The following GAK variants were observed in gnomAD, a reference collection of about 807,000 sequenced individuals.
The protein encoded by GAK is cyclin G associated kinase, also known as cyclin-G-associated kinase.
A neutral mutation model predicts 143.9 loss-of-function variants in GAK; 79 were observed. That is an observed-to-expected ratio of 0.55 (90% CI 0.46 to 0.66). GAK has a LOEUF of 0.66. Ranked by LOEUF, GAK falls within the 30% of genes least tolerant of loss-of-function variation. GAK has a pLI of 0.00. For missense variants in GAK, 1,693 were observed against 1,779.7 expected, an observed-to-expected ratio of 0.95 and a Z score of 0.88; for synonymous variants, 881 against 765.5, an observed-to-expected ratio of 1.15 and a Z score of -2.49.
chr4:851,864 G>C lies in GAK; in HGVS notation c.3394C>G (p.Pro1132Ala), dbSNP rs1043837313. The C allele has an allele frequency of 6.2e-6, 10 of 1,609,004 alleles. No individual in the cohort carries two copies. The highest frequency in any genetic ancestry group is 8.5e-6 in the Non-Finnish European group (10 of 1,177,016). ...SRPPAQGASWPPQAKPPPKAC... is the reference protein window; with the variant it reads ...SRPPAQGASWAPQAKPPPKAC... ...TTGGGGGGCGGCTTGGCCTGAGGGGGCCATGAGGCGCCCTGGGCTGGCGGC... is the reference window on the plus strand; with the variant it reads ...TTGGGGGGCGGCTTGGCCTGAGGGGCCCATGAGGCGCCCTGGGCTGGCGGC... Residue 1132 changes from proline (P) to alanine (A), a missense_variant, in exon 25 of 28, where the codon CCC becomes GCC. Pro to Ala is a conservative substitution (Grantham distance 27). This residue lies in a region of GAK where 822 missense variants were observed against 788.7 expected (regional missense o/e 1.04). Coordinates refer to ENST00000314167, the MANE Select transcript of GAK (RefSeq NM_005255.4).
chr4:929,924 T>A (rs1480010810), intron 1 of GAK, among the ~76,000 whole-genome samples: 1 of 152,220 alleles, frequency 6.6e-6, no homozygotes, highest in Non-Finnish European at 1.5e-5. Flanking sequence ...TATCCCACAG[T>A]GAGAATATTT....
chr4:916,496 A>G (rs1454878435), intron 1 of GAK, among the ~76,000 whole-genome samples: 1 of 152,228 alleles, frequency 6.6e-6, no homozygotes, highest in African/African-American at 2.4e-5. Flanking sequence ...TGCTGGGACT[A>G]CAGGTGTGAG....
chr4:931,835 G>C (rs890253918), intron 1 of GAK, among the ~76,000 whole-genome samples: 5 of 152,106 alleles, frequency 3.3e-5, no homozygotes, highest in African/African-American at 1.2e-4. Context: ...CCGCCAGCAG[G>C]CACTCACCTA....
intron 23 of GAK, among the ~76,000 whole-genome samples, chr4:864,353 C>G (rs1203128738): frequency 6.6e-6 from 1 of 152,054 alleles, no homozygotes; most frequent in Admixed American, 6.6e-5. Context: ...AGAGCAAGAC[C>G]CTGTCTCAAA....
At chr4:905,426 CAGACTCTGCCACGCCGCGCCACGCTAG>C (rs1278507758) in intron 4 of GAK, among the ~76,000 whole-genome samples, 5 of 151,776 alleles carry the variant, frequency 3.3e-5, no homozygotes, top group African/African-American at 1.2e-4. Context: ...GGCCACGCTA[CAGACTCTGCCACGCCGCGCCACGCTAG>C]GGGCTCCGCC....
Position 851,964 on chromosome 4 carries a change from A to G in GAK, c.3294T>C (p.Ala1098=). 6.2e-7 allele frequency: 1 copy of G among 1,613,598 alleles called. No individual in the cohort carries two copies. Residue 1098 remains alanine, a synonymous_variant, in exon 25 of 28, where the codon GCT becomes GCC. Coordinates refer to ENST00000314167, the MANE Select transcript of GAK (RefSeq NM_005255.4). ...DLSSGLQGSP[A]GFPPGGFIPK... ...GAATGAAGCCCCCAGGAGGGAATCC[A>G]GCTGGTGAGCCTGTGGAGATGGAGA...
At chr4:906,067 G>A (rs536615202) in intron 4 of GAK, among the ~76,000 whole-genome samples, 22 of 152,140 alleles carry the variant, frequency 1.4e-4, no homozygotes, top group South Asian at 2.1e-4. Context: ...GAACCACATC[G>A]GCATCCCAGC....
Position 894,295 on chromosome 4 carries a change from G to A in GAK, c.742-286C>T, listed in dbSNP as rs531789670. Reference sequence around the variant, plus strand: ...TTGGGGCCGTGGGGAGCGCAGGGGTGACGCCTGGGCCTGTGGGGAGTGCAG... The same window carrying A: ...TTGGGGCCGTGGGGAGCGCAGGGGTAACGCCTGGGCCTGTGGGGAGTGCAG... On this transcript the variant is annotated intron_variant, in intron 7 of 27. Transcript: ENST00000314167. 76 of 270,190 alleles carry A rather than the reference G, an allele frequency of 2.8e-4. No individual in the cohort carries two copies. In the East Asian group the frequency reaches 4.9e-3, roughly 17 times the overall value. 16.7% of individuals were successfully genotyped at this position (270,190 alleles called of 1,614,324 possible).
In GAK at chr4:867,242, A is replaced by C; in HGVS notation, c.2586T>G (p.Val862=). ...LAAGLVQQDL[V]FEVETPAVLP... The stretch of plus-strand genomic sequence containing the variant: ...GCACAGCCGGTGTCTCCACCTCAAA[A>C]ACCAAGTCCTGCTGCACCAGCCCTG... Residue 862 remains valine (V), a synonymous_variant, in exon 21 of 28, where the codon GTT becomes GTG. Transcript: ENST00000314167. 1 of 1,612,746 alleles carries C rather than the reference A, an allele frequency of 6.2e-7. No homozygotes were observed. The highest frequency in any genetic ancestry group is 1.1e-5 in the South Asian group (1 of 90,866).
Position 915,109 on chromosome 4 carries a change from C to T in GAK, c.146-1441G>A, listed in dbSNP as rs190247773. ...ACACACACAGCCCCAGCGTACACGGCCCCCCGCACTCAGCCCCAGCGTGCA... is the reference window on the plus strand; with the variant it reads ...ACACACACAGCCCCAGCGTACACGGTCCCCCGCACTCAGCCCCAGCGTGCA... On this transcript the variant is annotated intron_variant, in intron 1 of 27. Coordinates refer to ENST00000314167, the MANE Select transcript of GAK (RefSeq NM_005255.4). 9.5e-3 allele frequency among the ~76,000 whole-genome samples: 1,372 copies of T among 144,576 alleles called. 21 individuals are homozygous for T. Among genetic ancestry groups the T allele is most frequent in the Non-Finnish European group, 0.013 (841 of 66,114 alleles). 94.8% of individuals were successfully genotyped at this position (144,576 alleles called of 152,430 possible). A position where few individuals can be genotyped will look rare whatever the true frequency, so the allele number is the denominator to read the frequency against.
chr4:917,537 CA>C (rs1723268088), intron 1 of GAK, among the ~76,000 whole-genome samples: 1 of 152,200 alleles, frequency 6.6e-6, no homozygotes, highest in Non-Finnish European at 1.5e-5. Flanking sequence ...AAAGAGAGTA[CA>C]TATACACATA....
At chr4:900,192 G>C (rs1719598400) in intron 5 of GAK, among the ~76,000 whole-genome samples, 1 of 152,232 alleles carries the variant, frequency 6.6e-6, no homozygotes, top group Non-Finnish European at 1.5e-5. Context: ...CGATGCACAG[G>C]GCAGGCGAGT....
chr4:912,992 G>T (rs1722306564), intron 2 of GAK, among the ~76,000 whole-genome samples, 198 bp from the exon 3 acceptor site: 1 of 152,232 alleles, frequency 6.6e-6, no homozygotes, highest in Admixed American at 6.5e-5. Flanking sequence ...TCTTTGTGAT[G>T]CAAGGACACA....
At chr4:925,695 A>G (rs1209948520) in intron 1 of GAK, among the ~76,000 whole-genome samples, 4 of 152,196 alleles carry the variant, frequency 2.6e-5, no homozygotes, top group Non-Finnish European at 4.4e-5. Flanking sequence ...TTACTGCCCC[A>G]GAGAGCACTC....
chr4:898,218 G>A, intron 5 of GAK, 60 bp from the exon 6 acceptor site: 2 of 1,594,770 alleles, frequency 1.3e-6, no homozygotes, highest in Non-Finnish European at 8.6e-7. Flanking sequence ...GGACTTCAGG[G>A]AAAACGAACG....
intron 11 of GAK, among the ~76,000 whole-genome samples, chr4:885,273 C>T (rs752640130): frequency 3.3e-5 from 5 of 152,122 alleles, no homozygotes; most frequent in Admixed American, 6.5e-5. Context: ...ATCTAATCAC[C>T]GGTAGAAAAA....
Position 877,226 on chromosome 4 carries a change from G to A in GAK, c.1857-19C>T. 2.5e-6 allele frequency: 4 copies of A among 1,573,330 alleles called. No individual in the cohort carries two copies. The highest frequency in any genetic ancestry group is 2.6e-6 in the Non-Finnish European group (3 of 1,144,732). On this transcript the variant is annotated intron_variant, in intron 16 of 27. Transcript: ENST00000314167. ...AAAGTCCCTAAGGACAGAATGACAA[G>A]AGAAAAATTTTAAAAACCCCCAAAA...
chr4:925,881 A>C (rs1448610211), intron 1 of GAK, among the ~76,000 whole-genome samples: 1 of 152,204 alleles, frequency 6.6e-6, no homozygotes, highest in Non-Finnish European at 1.5e-5. Flanking sequence ...GCACAGACGG[A>C]CTGGGACACG....
intron 24 of GAK, among the ~76,000 whole-genome samples, chr4:857,375 G>A (rs977194684): frequency 5.3e-5 from 8 of 152,220 alleles, no homozygotes; most frequent in African/African-American, 1.7e-4. Context: ...CTTCCTGTGA[G>A]AGGGTGGAAT....
Sources: gnomAD v4.1 joint callset for allele counts (sites outside exome capture counted in the v4.1 genomes callset) on GRCh38, gnomAD v4.1.1 for gene constraint, gnomAD v4.1.1 regional missense constraint, MANE v1.5 for transcripts, NCBI Gene and HGNC (gene_info 2026-07-23, HGNC 2026-07-21) for gene names.